ITPR2: variants seen among roughly 807,000 people sequenced by gnomAD.
ITPR2 encodes inositol 1,4,5-trisphosphate receptor type 2, also known as inositol 1,4,5-trisphosphate-gated calcium channel ITPR2.
A neutral mutation model predicts 317.1 loss-of-function variants in ITPR2; 207 were observed. The ratio of observed to expected loss-of-function variants is 0.65; its 90% CI spans 0.58 to 0.73. The LOEUF (loss-of-function observed/expected upper bound fraction) is 0.73, where lower values mean the gene tolerates loss of function less well. Among genes scored for constraint, ITPR2 ranks in the 30% least tolerant of loss-of-function variants. The probability of loss-of-function intolerance (pLI) is 0.00; values close to 1 mark genes in which losing one functional copy is unlikely to be tolerated. For synonymous variants in ITPR2, 1,156 were observed against 1,149.1 expected (o/e 1.01, Z -0.12); for missense variants, 2,613 against 3,284.0 (o/e 0.80, Z 4.99).
chr12:26,597,107 T>G lies in ITPR2; in HGVS notation c.4030A>C (p.Ile1344Leu). 1 of 1,613,966 alleles carries G rather than the reference T, an allele frequency of 6.2e-7. No individual in the cohort carries two copies. The highest frequency in any genetic ancestry group is 8.5e-7 in the Non-Finnish European group (1 of 1,179,966). The change falls in exon 31 of 57, where the codon ATA (isoleucine) becomes CTA (leucine). Residue 1344 changes from isoleucine to leucine, a missense_variant. Ile to Leu is a conservative substitution (Grantham distance 5). Coordinates refer to ENST00000381340, the MANE Select transcript of ITPR2 (RefSeq NM_002223.4). ...AATGATGCTCTATCATTGTAAAATATCAGCACGTCTTCACCCCCATTTATC... is the reference window on the plus strand; with the variant it reads ...AATGATGCTCTATCATTGTAAAATAGCAGCACGTCTTCACCCCCATTTATC... ...ELINGGEDVL[I>L]FYNDRASFPI...
chr12:26,633,824 TA>T, intron 21 of ITPR2, among the ~76,000 whole-genome samples: 1 of 152,344 alleles, frequency 6.6e-6, no homozygotes, highest in East Asian at 1.9e-4. Flanking sequence ...TTCTCACTAC[TA>T]ATACAGAACA....
chr12:26,697,364 G>A (rs891714576), intron 9 of ITPR2, among the ~76,000 whole-genome samples: 1 of 152,214 alleles, frequency 6.6e-6, no homozygotes, highest in Non-Finnish European at 1.5e-5. Context: ...GAACAAGGGA[G>A]ATTCCTTCTC....
intron 37 of ITPR2, among the ~76,000 whole-genome samples, chr12:26,536,188 A>G (rs1180663477): frequency 2.6e-5 from 4 of 152,218 alleles, no homozygotes; most frequent in African/African-American, 9.6e-5. Context: ...GAATATTAAA[A>G]GAAAAGCAGC....
At chr12:26,577,490 A>G (rs1591921242) in intron 34 of ITPR2, among the ~76,000 whole-genome samples, 1 of 152,128 alleles carries the variant, frequency 6.6e-6, no homozygotes, top group Non-Finnish European at 1.5e-5. Context: ...TTATTCTCTC[A>G]TATTGTTTAC....
At chr12:26,570,991 A>G (rs1380742595) in intron 34 of ITPR2, among the ~76,000 whole-genome samples, 3 of 152,160 alleles carry the variant, frequency 2.0e-5, no homozygotes, top group Non-Finnish European at 4.4e-5. Context: ...AGATGTTTAT[A>G]CCTTACATTC....
intron 1 of ITPR2, among the ~76,000 whole-genome samples, chr12:26,818,903 G>A (rs1453743725): frequency 1.3e-5 from 2 of 152,192 alleles, no homozygotes; most frequent in Non-Finnish European, 2.9e-5. Flanking sequence ...TAATGTAACT[G>A]TGTTTGGTGA....
intron 1 of ITPR2, among the ~76,000 whole-genome samples, chr12:26,795,075 A>G (rs1235953641): frequency 6.6e-6 from 1 of 152,252 alleles, no homozygotes; most frequent in Admixed American, 6.5e-5. Context: ...AAAATTAGAA[A>G]GCACAATTGT....
intron 21 of ITPR2, among the ~76,000 whole-genome samples, chr12:26,635,299 T>C (rs980771968): frequency 6.6e-6 from 1 of 152,252 alleles, no homozygotes. Context: ...TAACAGAATA[T>C]TGATTGAAAT....
intron 41 of ITPR2, 43 bp from the exon 42 acceptor site, chr12:26,483,941 A>G: frequency 4.6e-6 from 7 of 1,522,286 alleles, no homozygotes; most frequent in Non-Finnish European, 6.4e-6. Context: ...ACAAAAATTC[A>G]CTGTGCTGAT....
At chr12:26,478,842 A>ATGAAATGTAATATGAAATGT (rs1336040174) in intron 43 of ITPR2, among the ~76,000 whole-genome samples, 167 of 152,266 alleles carry the variant, frequency 1.1e-3, no homozygotes, top group Middle Eastern at 3.4e-3. Flanking sequence ...AAAGGACAAC[A>ATGAAATGTAATATGAAATGT]AATATGAAAA....
intron 55 of ITPR2, among the ~76,000 whole-genome samples, chr12:26,353,528 C>T (rs1938544524): frequency 6.6e-6 from 1 of 152,192 alleles, no homozygotes; most frequent in Admixed American, 6.5e-5. Flanking sequence ...CTCTCCTCTG[C>T]TCATCTTTTA....
rs561093535 is a variant in ITPR2 at position 26,366,631 on chromosome 12, C to G, written c.7857+20803G>C. 2.4e-4 allele frequency among the ~76,000 whole-genome samples: 37 copies of G among 152,180 alleles called. 1 individual carries two copies. In the South Asian group the frequency reaches 7.7e-3, roughly 32 times the overall value. On this transcript the variant is annotated intron_variant, in intron 55 of 56. Transcript: ENST00000381340. ...CTTCCCGTTGTAAACCCCTATTTAC[C>G]TCTGCCACAGGAGGGAAGGACCCCC... is the stretch of plus-strand genomic sequence containing the variant.
chr12:26,372,421 T>C (rs1455600794), intron 55 of ITPR2, among the ~76,000 whole-genome samples: 4 of 152,226 alleles, frequency 2.6e-5, no homozygotes, highest in Non-Finnish European at 5.9e-5. Flanking sequence ...AAACATTAAA[T>C]TGTTTAATCC....
chr12:26,477,417 G>A (rs1439213876), intron 43 of ITPR2, among the ~76,000 whole-genome samples: 1 of 151,866 alleles, frequency 6.6e-6, no homozygotes, highest in Non-Finnish European at 1.5e-5. Flanking sequence ...AAAGAATTTA[G>A]CACAATTGTT....
At chr12:26,542,942 T>C (rs1944299877) in intron 37 of ITPR2, among the ~76,000 whole-genome samples, 1 of 152,202 alleles carries the variant, frequency 6.6e-6, no homozygotes. Flanking sequence ...CTCGTTCTCT[T>C]CTCCAATTCT....
At chr12:26,486,423 A>AC (rs1348644217) in intron 40 of ITPR2, 63 bp from the exon 41 acceptor site, 94 of 1,357,526 alleles carry the variant, frequency 6.9e-5, no homozygotes, top group South Asian at 3.3e-4. Flanking sequence ...TAAAAAAAAA[A>AC]AAACAAACCA....
At chr12:26,512,092 C>T (rs1943363704) in intron 37 of ITPR2, among the ~76,000 whole-genome samples, 1 of 151,540 alleles carries the variant, frequency 6.6e-6, no homozygotes, top group African/African-American at 2.4e-5. Flanking sequence ...CCCAGGACCC[C>T]AAAATGACTA....
At chr12:26,506,301 G>A (rs1306138679) in intron 37 of ITPR2, among the ~76,000 whole-genome samples, 3 of 151,788 alleles carry the variant, frequency 2.0e-5, no homozygotes, top group Non-Finnish European at 4.4e-5. Context: ...TTGAGCTCAG[G>A]AGTTTACGAC....
chr12:26,419,189 C>G lies in ITPR2; in HGVS notation c.6970G>C (p.Val2324Leu), dbSNP rs1940814841. 6.2e-7 allele frequency: 1 copy of G among 1,613,302 alleles called. No homozygotes were observed. Among genetic ancestry groups the G allele is most frequent in the East Asian group, 2.2e-5 (1 of 44,846 alleles). Reference sequence around the variant, plus strand: ...GTGCCACGATTTCCAACAAAACTCACCAGAAAAACAATTTTATTACAAAGC... The same window carrying G: ...GTGCCACGATTTCCAACAAAACTCAGCAGAAAAACAATTTTATTACAAAGC... ...ANLCNKIVFLVSFVGNRGTFT... is the reference protein window; with the variant it reads ...ANLCNKIVFLLSFVGNRGTFT... The change falls in exon 50 of 57, where the codon GTG becomes CTG. Residue 2324 changes from valine (V) to leucine (L), a missense_variant. By Grantham distance (32) the Val-to-Leu change is conservative. This residue lies in a region of ITPR2 where 78 missense variants were observed against 110.3 expected (regional missense o/e 0.71). Coordinates refer to ENST00000381340, the MANE Select transcript of ITPR2 (RefSeq NM_002223.4).
Sources: gnomAD v4.1 joint callset for allele counts (sites outside exome capture counted in the v4.1 genomes callset) on GRCh38, gnomAD v4.1.1 for gene constraint, gnomAD v4.1.1 regional missense constraint, MANE v1.5 for transcripts, NCBI Gene and HGNC (gene_info 2026-07-23, HGNC 2026-07-21) for gene names.